The following SATB1 variants were observed in gnomAD, a reference collection of about 807,000 sequenced individuals.
SATB1 encodes DNA-binding protein SATB1.
In SATB1, 11 loss-of-function variants were observed where a neutral mutation model predicts 86.9. That is an observed-to-expected ratio of 0.13 (90% CI 0.08 to 0.21). The LOEUF (loss-of-function observed/expected upper bound fraction) is 0.21. Ranked by LOEUF, SATB1 falls within the 10% of genes least tolerant of loss-of-function variation. The probability of loss-of-function intolerance (pLI) is 1.00; values close to 1 mark genes in which losing one functional copy is unlikely to be tolerated. For synonymous variants in SATB1, 357 were observed against 357.2 expected, an observed-to-expected ratio of 1.00 and a Z score of 0.01; for missense variants, 551 against 937.6, an observed-to-expected ratio of 0.59 and a Z score of 5.39.
upstream of SATB1, among the ~76,000 whole-genome samples, chr3:18,442,290 A>T (rs1699263317): frequency 6.6e-6 from 1 of 152,114 alleles, no homozygotes; most frequent in African/African-American, 2.4e-5. Flanking sequence ...TAAATACAAA[A>T]TTGAATTGTA....
intron 9 of SATB1, among the ~76,000 whole-genome samples, chr3:18,361,087 A>G (rs914417782): frequency 2.0e-5 from 3 of 151,706 alleles, no homozygotes; most frequent in South Asian, 2.1e-4. Context: ...TGAACTGTCT[A>G]TGACCCTTTT....
intron 7 of SATB1, among the ~76,000 whole-genome samples, chr3:18,387,508 T>G (rs1696405972): frequency 6.6e-6 from 1 of 152,160 alleles, no homozygotes; most frequent in Non-Finnish European, 1.5e-5. Flanking sequence ...TTCAACTAAT[T>G]TTTTTAACTT....
In SATB1 at chr3:18,417,041, A is replaced by G; in HGVS notation, c.249T>C (p.Tyr83=). 6.2e-7 allele frequency: 1 copy of G among 1,613,474 alleles called. No homozygotes were observed. Among genetic ancestry groups the G allele is most frequent in the East Asian group, 2.2e-5 (1 of 44,870 alleles). ...MLPVFCVVEH[Y]ENAIEYDCKE... ...TGCAATCATATTCAATGGCGTTTTC[A>G]TAATGTTCCACCACACAGAAAACTG... is the stretch of plus-strand genomic sequence containing the variant. Residue 83 remains tyrosine, a synonymous_variant, in exon 3 of 11, where the codon TAT becomes TAC. Coordinates refer to ENST00000338745, the MANE Select transcript of SATB1 (RefSeq NM_002971.6).
Position 18,394,964 on chromosome 3 carries a change from A to G in SATB1, c.752-48T>C, listed in dbSNP as rs941610067. 3 of 1,356,688 alleles carry G rather than the reference A, an allele frequency of 2.2e-6. No individual in the cohort carries two copies. The highest frequency in any genetic ancestry group is 3.0e-6 in the Non-Finnish European group (3 of 1,003,054). 84.0% of individuals were successfully genotyped at this position (1,356,688 alleles called of 1,614,324 possible). A position where few individuals can be genotyped will look rare whatever the true frequency, so the allele number is the denominator to read the frequency against. On this transcript the variant is annotated intron_variant, in intron 6 of 10. Transcript: ENST00000338745. This position sits in a 1 kb window ranked among gnomAD's most constrained non-coding sequence, Gnocchi z 5.9. ...TCACATTCAGCCAACAATGATTGGC[A>G]TTGATAAAGATTTCTAACCATTTCC... is the stretch of plus-strand genomic sequence containing the variant.
At chr3:18,351,033 C>T (rs992387774) in intron 10 of SATB1, 22 of 422,120 alleles carry the variant, frequency 5.2e-5, no homozygotes, top group African/African-American at 2.4e-4. Flanking sequence ...AATGACAACA[C>T]GCTTTCTAAG....
chr3:18,382,845 T>C (rs1272219218), intron 8 of SATB1, among the ~76,000 whole-genome samples: 1 of 152,198 alleles, frequency 6.6e-6, no homozygotes, highest in Non-Finnish European at 1.5e-5. Flanking sequence ...CTAAAATAAG[T>C]TTGCTTTTAT....
intron 9 of SATB1, among the ~76,000 whole-genome samples, chr3:18,372,915 T>G (rs1215878274): frequency 6.6e-6 from 1 of 152,208 alleles, no homozygotes; most frequent in Non-Finnish European, 1.5e-5. Context: ...TCCTTCTTAC[T>G]CAAGAATGGA....
intron 8 of SATB1, among the ~76,000 whole-genome samples, chr3:18,381,661 T>C (rs1696070758): frequency 1.3e-5 from 2 of 152,210 alleles, no homozygotes; most frequent in Admixed American, 6.5e-5. Flanking sequence ...ACTTGTTTTT[T>C]GGTGGCCCTT....
At chr3:18,445,184 G>T in intron 1 of SATB1, 1 of 974,510 alleles carries the variant, frequency 1.0e-6, no homozygotes, top group African/African-American at 1.8e-5. Context: ...GCCAGGGCCC[G>T]GCCCGCCTCC....
chr3:18,365,763 T>C (rs1430841687), intron 9 of SATB1, among the ~76,000 whole-genome samples: 4 of 152,230 alleles, frequency 2.6e-5, no homozygotes, highest in Admixed American at 6.5e-5. Context: ...TTAAGCTTGA[T>C]GGATAAGGCT....
chr3:18,422,257 G>T (rs1698432534), intron 1 of SATB1, among the ~76,000 whole-genome samples: 5 of 152,196 alleles, frequency 3.3e-5, no homozygotes, highest in Admixed American at 3.3e-4. Flanking sequence ...ATTTAAATCT[G>T]GATTTGTTGA....
intron 9 of SATB1, among the ~76,000 whole-genome samples, chr3:18,367,775 G>A (rs1695258361): frequency 6.6e-6 from 1 of 152,056 alleles, no homozygotes; most frequent in Non-Finnish European, 1.5e-5. Flanking sequence ...GGCATGCCAG[G>A]CAAAGAAATA....
At chr3:18,438,903 A>G (rs1005334812), upstream of SATB1, 7 of 152,248 alleles carry the variant, frequency 4.6e-5, no homozygotes, top group African/African-American at 1.7e-4. Context: ...GTGCAGCCTG[A>G]CATCTGCTTC....
At chr3:18,416,690 TA>T (rs1015574041) in intron 3 of SATB1, among the ~76,000 whole-genome samples, 13 of 150,514 alleles carry the variant, frequency 8.6e-5, no homozygotes, top group South Asian at 2.1e-4. Flanking sequence ...TGAAGTAATT[TA>T]AAAAAAAAAT....
At chr3:18,435,215 A>G (rs1234587560) in intron 2 of SATB1, 1 of 152,192 alleles carries the variant, frequency 6.6e-6, no homozygotes. Context: ...CCATGCTTAA[A>G]GAAAGAGGGA....
intron 5 of SATB1, among the ~76,000 whole-genome samples, chr3:18,399,768 T>G (rs201954665): frequency 2.0e-5 from 3 of 152,172 alleles, no homozygotes; most frequent in Admixed American, 1.3e-4. Flanking sequence ...AAGCAACTTT[T>G]TGGATTCCCT....
intron 5 of SATB1, among the ~76,000 whole-genome samples, chr3:18,412,603 A>C (rs1465734667): frequency 1.3e-5 from 2 of 152,114 alleles, no homozygotes; most frequent in Non-Finnish European, 2.9e-5. Context: ...GAAAGGGCTT[A>C]ACACTTGGCA....
intron 10 of SATB1, chr3:18,350,889 A>C: frequency 4.1e-6 from 1 of 245,496 alleles, no homozygotes; most frequent in Admixed American, 5.1e-5. Context: ...TTTCACAGAA[A>C]TACAAAAAAA....
intron 7 of SATB1, among the ~76,000 whole-genome samples, chr3:18,388,534 C>A (rs1028526625): frequency 2.0e-5 from 3 of 152,068 alleles, no homozygotes; most frequent in Non-Finnish European, 4.4e-5. Context: ...CATCCCAGCA[C>A]AATGTCTCTC....
Sources: gnomAD v4.1 joint callset for allele counts (sites outside exome capture counted in the v4.1 genomes callset) on GRCh38, gnomAD v4.1.1 for gene constraint, Gnocchi (gnomAD v3.1) non-coding constraint, MANE v1.5 for transcripts, NCBI Gene and HGNC (gene_info 2026-07-23, HGNC 2026-07-21) for gene names.